PSME4: variants seen among roughly 807,000 people sequenced by gnomAD.
PSME4 encodes the protein proteasome activator subunit 4, also known as proteasome activator complex subunit 4.
Under a neutral mutation model 253.9 loss-of-function variants are expected in PSME4, and 89 were observed. The observed-to-expected ratio is 0.35, with a 90% CI of 0.30 to 0.42. PSME4 has a LOEUF of 0.42. Ranked by LOEUF, PSME4 falls within the 10% of genes least tolerant of loss-of-function variation. The probability of loss-of-function intolerance (pLI) is 1.00; values close to 1 mark genes in which losing one functional copy is unlikely to be tolerated. For synonymous variants in PSME4, 851 were observed against 759.2 expected, an observed-to-expected ratio of 1.12 and a Z score of -1.99; for missense variants, 2,014 against 2,195.2, an observed-to-expected ratio of 0.92 and a Z score of 1.65.
At chr2:53,911,812 T>G (rs1667839125) in intron 20 of PSME4, among the ~76,000 whole-genome samples, 1 of 152,198 alleles carries the variant, frequency 6.6e-6, no homozygotes, top group Admixed American at 6.5e-5. Flanking sequence ...AAAAAAGCAT[T>G]CTTTATAACC....
At chr2:53,910,765 G>T (rs1472038484) in intron 20 of PSME4, among the ~76,000 whole-genome samples, 1 of 152,068 alleles carries the variant, frequency 6.6e-6, no homozygotes, top group Non-Finnish European at 1.5e-5. Flanking sequence ...ACATATGCAA[G>T]GACAGATTTT....
At chr2:53,955,914 T>C (rs991340029) in intron 1 of PSME4, among the ~76,000 whole-genome samples, 1 of 152,038 alleles carries the variant, frequency 6.6e-6, no homozygotes, top group South Asian at 2.1e-4. Context: ...AGTGAGACCT[T>C]AGTCCCCAAA....
chr2:53,965,393 G>A (rs1670673692), intron 1 of PSME4, among the ~76,000 whole-genome samples: 4 of 151,754 alleles, frequency 2.6e-5, no homozygotes, highest in Admixed American at 1.3e-4. Flanking sequence ...CACCATACCA[G>A]CCTAAATTTT....
At chr2:53,939,839 C>CT in intron 4 of PSME4, 117 bp downstream of exon 4, 1 of 817,882 alleles carries the variant, frequency 1.2e-6, no homozygotes, top group Non-Finnish European at 1.9e-6. Context: ...TGCTCAGTGA[C>CT]TAACATCACA....
chr2:53,898,931 C>A (rs805419), intron 29 of PSME4, among the ~76,000 whole-genome samples: 43,088 of 151,788 alleles, frequency 0.28, 6,512 homozygotes, highest in South Asian at 0.47. Context: ...TTAAATGATA[C>A]ATCTGCTAAA....
chr2:53,963,941 T>C (rs1464670002), intron 1 of PSME4, among the ~76,000 whole-genome samples: 2 of 152,196 alleles, frequency 1.3e-5, no homozygotes, highest in Non-Finnish European at 2.9e-5. Context: ...AGAACATAAC[T>C]GGCCATGAGT....
In PSME4 at chr2:53,872,741, CAAAAAAAA is replaced by C. The variant is rs61308177; in HGVS notation, c.5100+1590_5100+1597del. Among the ~76,000 whole-genome samples, 58 of 48,008 alleles carry C rather than the reference CAAAAAAAA, an allele frequency of 1.2e-3. 2 individuals carry two copies. Among genetic ancestry groups the C allele is most frequent in the South Asian group, 1.9e-3 (2 of 1,056 alleles). 31.5% of individuals were successfully genotyped at this position (48,008 alleles called of 152,430 possible). A position where few individuals can be genotyped will look rare whatever the true frequency, so the allele number is the denominator to read the frequency against. On this transcript the variant is annotated intron_variant, in intron 43 of 46. Transcript: ENST00000404125. ...TGGACAACAAAGCAAGACTTGGTCT[CAAAAAAAA>C]AAAAAAAAAAAAAAAAAAAGAGAAA... is the stretch of plus-strand genomic sequence containing the variant.
Position 53,864,433 on chromosome 2 carries a change from GAAAA to G in PSME4, c.*1141_*1144del, listed in dbSNP as rs11349247. ...CAGACATTCTAATGATAAGTGAACT[GAAAA>G]AAAAAAAACCCCACATCTCAGTTTT... is the stretch of plus-strand genomic sequence containing the variant. On this transcript the variant is annotated 3_prime_UTR_variant, in exon 47 of 47. Coordinates refer to ENST00000404125, the MANE Select transcript of PSME4 (RefSeq NM_014614.3). The G allele has an allele frequency of 7.2e-6, 1 of 138,032 alleles. No individual in the cohort carries two copies. Among genetic ancestry groups the G allele is most frequent in the African/African-American group, 2.7e-5 (1 of 36,894 alleles). 8.6% of individuals were successfully genotyped at this position (138,032 alleles called of 1,614,324 possible).
At position 53,927,379 on chromosome 2, in the gene PSME4, A is replaced by T; in HGVS notation, c.1593+15T>A. 6.6e-7 allele frequency: 1 copy of T among 1,518,368 alleles called. No individual in the cohort carries two copies. Among genetic ancestry groups the T allele is most frequent in the Non-Finnish European group, 9.1e-7 (1 of 1,093,204 alleles). The allele number at this position is 1,518,368 out of a possible 1,614,324, so 94.1% of individuals were successfully genotyped here. On this transcript the variant is annotated intron_variant, in intron 12 of 46. Coordinates refer to ENST00000404125, the MANE Select transcript of PSME4 (RefSeq NM_014614.3). ...AGAACATCTTAGCCCTTTTATAACCATAAAATACCCTTACTTCTGTGAGGT... is the reference window on the plus strand; with the variant it reads ...AGAACATCTTAGCCCTTTTATAACCTTAAAATACCCTTACTTCTGTGAGGT...
At chr2:53,940,940 A>AATATATATATACATATTTATATATATAT (rs1669382442) in intron 3 of PSME4, among the ~76,000 whole-genome samples, 1 of 51,314 alleles carries the variant, frequency 1.9e-5, no homozygotes, top group Non-Finnish European at 3.5e-5. Flanking sequence ...TACATATATA[A>AATATATATATACATATTTATATATATAT]ATATATATAT....
At chr2:53,954,113 A>C (rs1670123568) in intron 1 of PSME4, among the ~76,000 whole-genome samples, 1 of 151,664 alleles carries the variant, frequency 6.6e-6, no homozygotes, top group Non-Finnish European at 1.5e-5. Context: ...GCAGATCACG[A>C]GGTCAGGAGT....
intron 21 of PSME4, among the ~76,000 whole-genome samples, chr2:53,909,544 T>C (rs1044780280): frequency 3.3e-5 from 5 of 152,236 alleles, no homozygotes; most frequent in Non-Finnish European, 5.9e-5. Flanking sequence ...ACCCAATTTC[T>C]TACTGGCTAT....
intron 41 of PSME4, among the ~76,000 whole-genome samples, chr2:53,884,190 A>G (rs1413165920): frequency 2.0e-5 from 3 of 152,034 alleles, no homozygotes; most frequent in Non-Finnish European, 4.4e-5. Flanking sequence ...TGTCAATGGT[A>G]ACTTATATCG....
chr2:53,887,500 G>T (rs371692717), intron 39 of PSME4, 33 bp from the exon 40 acceptor site: 1 of 1,543,684 alleles, frequency 6.5e-7, no homozygotes, highest in Non-Finnish European at 8.9e-7. Context: ...ATAGGAAGAG[G>T]TGCCACATTA....
intron 36 of PSME4, among the ~76,000 whole-genome samples, chr2:53,890,577 A>G (rs1054981849): frequency 3.9e-5 from 6 of 152,134 alleles, no homozygotes; most frequent in Non-Finnish European, 8.8e-5. Flanking sequence ...AAAGTGCTGG[A>G]ATTATAGGCA....
At chr2:53,924,389 G>A (rs1668464532) in intron 14 of PSME4, among the ~76,000 whole-genome samples, 1 of 152,138 alleles carries the variant, frequency 6.6e-6, no homozygotes, top group African/African-American at 2.4e-5. Flanking sequence ...AAACAGAAAT[G>A]AAAATAAAGT....
chr2:53,968,141 G>T (rs1308923810), intron 1 of PSME4, among the ~76,000 whole-genome samples: 1 of 151,918 alleles, frequency 6.6e-6, no homozygotes, highest in Non-Finnish European at 1.5e-5. Context: ...CAGGCATGGT[G>T]GCACTCGCCT....
intron 40 of PSME4, 25 bp from the exon 41 acceptor site, chr2:53,885,800 G>T (rs1038591049): frequency 6.5e-7 from 1 of 1,539,920 alleles, no homozygotes; most frequent in Admixed American, 1.7e-5. Context: ...AAGATGCAGA[G>T]TAAGTCTTTG....
chr2:53,956,473 T>C (rs1472408609), intron 1 of PSME4, among the ~76,000 whole-genome samples: 2 of 151,514 alleles, frequency 1.3e-5, no homozygotes, highest in Non-Finnish European at 1.5e-5. Context: ...GAGGTTGTAG[T>C]GAGCCGAGAT....
Sources: gnomAD v4.1 joint callset for allele counts (sites outside exome capture counted in the v4.1 genomes callset) on GRCh38, gnomAD v4.1.1 for gene constraint, MANE v1.5 for transcripts, NCBI Gene and HGNC (gene_info 2026-07-23, HGNC 2026-07-21) for gene names.